CD44: variants seen among roughly 807,000 people sequenced by gnomAD.
The protein encoded by CD44 is CD44 molecule (IN blood group).
A neutral mutation model predicts 88.8 loss-of-function variants in CD44; 49 were observed. The ratio of observed to expected loss-of-function variants is 0.55; its 90% CI spans 0.44 to 0.70. CD44 has a LOEUF of 0.70. Ranked by LOEUF, CD44 falls within the 30% of genes least tolerant of loss-of-function variation. CD44 has a pLI of 0.00. For synonymous variants in CD44, 325 were observed against 312.3 expected, an observed-to-expected ratio of 1.04 and a Z score of -0.43; for missense variants, 883 against 913.8, an observed-to-expected ratio of 0.97 and a Z score of 0.43.
intron 12 of CD44, among the ~76,000 whole-genome samples, chr11:35,209,697 A>G (rs777682630): frequency 2.6e-5 from 4 of 152,180 alleles, no homozygotes; most frequent in Non-Finnish European, 5.9e-5. Context: ...ACAATCCAGG[A>G]TAGGCAAAGT....
At chr11:35,180,497 C>T (rs898662458) in intron 3 of CD44, 90 bp downstream of exon 3, 1 of 1,383,410 alleles carries the variant, frequency 7.2e-7, no homozygotes, top group African/African-American at 1.4e-5. Flanking sequence ...ATGTAGCCTC[C>T]ATTTACATAA....
chr11:35,221,689 G>C lies in CD44; in HGVS notation c.1981G>C (p.Ala661Pro). 6.2e-7 allele frequency: 1 copy of C among 1,614,100 alleles called. No individual in the cohort carries two copies. Among genetic ancestry groups the C allele is most frequent in the Non-Finnish European group, 8.5e-7 (1 of 1,179,960 alleles). The change falls in exon 17 of 18, where the codon GCT becomes CCT. Residue 661 changes from alanine (A) to proline (P), a missense_variant. Coordinates refer to ENST00000428726, the MANE Select transcript of CD44 (RefSeq NM_000610.4). ...LIILASLLAL[A>P]LILAVCIAVN... ...CATCTTGGCATCCCTCTTGGCCTTGGCTTTGATTCTTGCAGTTTGCATTGC... is the reference window on the plus strand; with the variant it reads ...CATCTTGGCATCCCTCTTGGCCTTGCCTTTGATTCTTGCAGTTTGCATTGC...
At position 35,198,155 on chromosome 11, in the gene CD44, G is replaced by C. The variant is rs370026708; in HGVS notation, c.831G>C (p.Glu277Asp). The C allele has an allele frequency of 3.7e-5, 59 of 1,613,844 alleles. No homozygotes were observed. Among genetic ancestry groups the C allele is most frequent in the Non-Finnish European group, 4.3e-5 (51 of 1,179,898 alleles). Residue 277 changes from glutamate to aspartate, a missense_variant, in exon 7 of 18, where the codon GAG becomes GAC. This residue lies in a region of CD44 where 631 missense variants were observed against 590.9 expected (regional missense o/e 1.07). Coordinates refer to ENST00000428726, the MANE Select transcript of CD44 (RefSeq NM_000610.4). ...CAAATACCATCTCAGCAGGCTGGGA[G>C]CCAAATGAAGAAAATGAAGATGAAA... Reference protein sequence around the residue: ...TSSNTISAGWEPNEENEDERD... With the variant: ...TSSNTISAGWDPNEENEDERD...
intron 1 of CD44, among the ~76,000 whole-genome samples, chr11:35,144,208 G>A (rs1216506805): frequency 6.6e-6 from 1 of 152,190 alleles, no homozygotes; most frequent in Non-Finnish European, 1.5e-5. Flanking sequence ...CTCCTGGCTG[G>A]GGCTGGGGCT....
chr11:35,166,102 A>G (rs999688708), intron 1 of CD44, among the ~76,000 whole-genome samples: 1 of 152,262 alleles, frequency 6.6e-6, no homozygotes, highest in South Asian at 2.1e-4. Flanking sequence ...GAAAAACCCT[A>G]TTTGGGCCCC....
intron 1 of CD44, among the ~76,000 whole-genome samples, chr11:35,147,958 G>A (rs1161231266): frequency 6.6e-6 from 1 of 152,084 alleles, no homozygotes; most frequent in Non-Finnish European, 1.5e-5. Context: ...GGGCATGGTG[G>A]TGCATGCCTG....
At chr11:35,169,149 G>A (rs565128546) in intron 1 of CD44, among the ~76,000 whole-genome samples, 1 of 152,184 alleles carries the variant, frequency 6.6e-6, no homozygotes, top group South Asian at 2.1e-4. Flanking sequence ...GGGGTTGGGG[G>A]CAGAAAGAGA....
At chr11:35,217,201 G>T (rs906547200) in intron 15 of CD44, among the ~76,000 whole-genome samples, 2 of 151,100 alleles carry the variant, frequency 1.3e-5, no homozygotes, top group Admixed American at 1.3e-4. Flanking sequence ...GGTGTCTATT[G>T]TTCAAACAGG....
intron 14 of CD44, 60 bp downstream of exon 14, chr11:35,211,509 C>CTCT: frequency 8.0e-7 from 1 of 1,255,260 alleles, no homozygotes; most frequent in Non-Finnish European, 1.2e-6. Flanking sequence ...TATATAGTTT[C>CTCT]ATATTACAGA....
chr11:35,201,847 A>G, intron 9 of CD44, 60 bp downstream of exon 9: 5 of 1,555,410 alleles, frequency 3.2e-6, no homozygotes, highest in Non-Finnish European at 4.4e-6. Flanking sequence ...CATTCCAGCA[A>G]TAGGGAAGAT....
At chr11:35,186,252 T>C (rs955241196) in intron 3 of CD44, among the ~76,000 whole-genome samples, 3 of 152,130 alleles carry the variant, frequency 2.0e-5, no homozygotes, top group Admixed American at 1.3e-4. Flanking sequence ...ATTCATTTGG[T>C]TTTTAATATT....
chr11:35,196,914 A>G, intron 6 of CD44, 40 bp downstream of exon 6: 1 of 1,597,562 alleles, frequency 6.3e-7, no homozygotes, highest in Non-Finnish European at 8.6e-7. Flanking sequence ...TGTTTTCTTG[A>G]CAGCCTTGAA....
chr11:35,162,817 T>G (rs353639), intron 1 of CD44, among the ~76,000 whole-genome samples: 47,667 of 151,762 alleles, frequency 0.31, 8,527 homozygotes, highest in African/African-American at 0.5. Context: ...ATAGCAGTAG[T>G]GTTCTTGGAC....
At chr11:35,201,936 C>A in intron 9 of CD44, 149 bp downstream of exon 9, 1 of 894,028 alleles carries the variant, frequency 1.1e-6, no homozygotes, top group Non-Finnish European at 1.7e-6. Context: ...GCTGCTAAAC[C>A]CGCACACAAA....
chr11:35,215,528 T>C (rs1289703263), intron 15 of CD44, among the ~76,000 whole-genome samples: 1 of 152,172 alleles, frequency 6.6e-6, no homozygotes, highest in African/African-American at 2.4e-5. Flanking sequence ...GCAGCATCTT[T>C]CTAAACACTT....
intron 1 of CD44, among the ~76,000 whole-genome samples, chr11:35,162,703 C>A (rs1449840312): frequency 6.6e-6 from 1 of 152,112 alleles, no homozygotes; most frequent in Non-Finnish European, 1.5e-5. Flanking sequence ...TCCTGGAAAC[C>A]TTTTGGCCCA....
At chr11:35,159,957 T>A (rs932432555) in intron 1 of CD44, among the ~76,000 whole-genome samples, 8 of 152,316 alleles carry the variant, frequency 5.3e-5, no homozygotes, top group South Asian at 2.1e-4. Flanking sequence ...CCTTGAGAAT[T>A]GAGGAGCTCA....
At chr11:35,150,819 C>T (rs77746664) in intron 1 of CD44, among the ~76,000 whole-genome samples, 6,428 of 152,296 alleles carry the variant, frequency 0.042, 227 homozygotes, top group Admixed American at 0.11. Flanking sequence ...TGACTGTGGG[C>T]AAGGTCCTTC....
chr11:35,186,838 C>A lies in CD44; in HGVS notation c.374C>A (p.Pro125His). 1 of 1,601,494 alleles carries A rather than the reference C, an allele frequency of 6.2e-7. No homozygotes were observed. The highest frequency in any genetic ancestry group is 8.6e-7 in the Non-Finnish European group (1 of 1,168,574). The part of the protein sequence containing the change: ...DTYCFNASAP[P>H]EEDCTSVTDL... Reference sequence around the variant, plus strand: ...TTTTTTTCCTACCTCATAGCTCCACCTGAAGAAGATTGTACATCAGTCACA... The same window carrying A: ...TTTTTTTCCTACCTCATAGCTCCACATGAAGAAGATTGTACATCAGTCACA... The change falls in exon 4 of 18, where the codon CCT (proline) becomes CAT (histidine). Residue 125 changes from proline to histidine, a missense_variant. Physicochemically the swap from Pro to His is moderately conservative, Grantham distance 77. Around this residue, in one of 2 missense-constraint regions of CD44, gnomAD observed 252 missense variants for 322.9 expected, o/e 0.78. Coordinates refer to ENST00000428726, the MANE Select transcript of CD44 (RefSeq NM_000610.4).
Sources: gnomAD v4.1 joint callset for allele counts (sites outside exome capture counted in the v4.1 genomes callset) on GRCh38, gnomAD v4.1.1 for gene constraint, gnomAD v4.1.1 regional missense constraint, MANE v1.5 for transcripts, NCBI Gene and HGNC (gene_info 2026-07-23, HGNC 2026-07-21) for gene names.